PYGO1: variants seen among roughly 807,000 people sequenced by gnomAD.
PYGO1 encodes the protein pygopus homolog 1.
Under a neutral mutation model 29.5 loss-of-function variants are expected in PYGO1, and 6 were observed. The observed-to-expected ratio is 0.20, with a 90% CI of 0.11 to 0.40. PYGO1 has a LOEUF of 0.40. PYGO1 is among the 10% of genes least tolerant of loss of function. The probability of loss-of-function intolerance (pLI) is 1.00; values close to 1 mark genes in which losing one functional copy is unlikely to be tolerated. For synonymous variants in PYGO1, 186 were observed against 180.5 expected (o/e 1.03, Z -0.24); for missense variants, 515 against 514.9 (o/e 1.00, Z 0.00).
At chr15:55,580,084 T>A (rs185004116) in intron 1 of PYGO1, among the ~76,000 whole-genome samples, 1 of 152,318 alleles carries the variant, frequency 6.6e-6, no homozygotes, top group African/African-American at 2.4e-5. Flanking sequence ...GGTATTCACA[T>A]GTGAAGATAA....
In PYGO1 at chr15:55,549,842, A is replaced by T. The variant is rs528182267; in HGVS notation, c.50-847T>A. ...TTCTGAACATATACAACATACAGAG[A>T]AGAATGAAATTAACCCCATATGCCT... On this transcript the variant is annotated intron_variant, in intron 1 of 2. Transcript: ENST00000563719. Among the ~76,000 whole-genome samples, 21 of 152,320 alleles carry T rather than the reference A, an allele frequency of 1.4e-4. 1 individual carries two copies. In the South Asian group the frequency reaches 3.9e-3, roughly 29 times the overall value.
rs555837683 is a variant in PYGO1, at chr15:55,587,190, G to A, written c.49+645C>T. Among the ~76,000 whole-genome samples, 7 of 152,248 alleles carry A rather than the reference G, an allele frequency of 4.6e-5. No homozygotes were observed. The South Asian group carries it at 8.3e-4, about 18-fold the overall frequency. On this transcript the variant is annotated intron_variant, in intron 1 of 2. Transcript: ENST00000563719. Reference sequence around the variant, plus strand: ...ACATGGTTCCCTCTGATTTTTCTTAGATGATAGTAACACGAAAGGAAAATT... The same window carrying A: ...ACATGGTTCCCTCTGATTTTTCTTAAATGATAGTAACACGAAAGGAAAATT...
chr15:55,551,567 C>T (rs891475965), intron 1 of PYGO1, among the ~76,000 whole-genome samples: 10 of 151,998 alleles, frequency 6.6e-5, no homozygotes, highest in East Asian at 3.9e-4. Flanking sequence ...GAGGCTGAGG[C>T]GGGGGATTGC....
chr15:55,546,820 T>A lies in PYGO1; in HGVS notation c.463A>T (p.Ser155Cys). The stretch of plus-strand genomic sequence containing the variant: ...TTATTATAAGATGGATTACCGAAAC[T>A]TGAATTATCATGTGGCCCAAAGTTA... ...AFNFGPHDNS[S>C]FGNPSYNNAL... is the part of the protein sequence containing the mutation. The change falls in exon 3 of 3, where the codon AGT becomes TGT. Residue 155 changes from serine (S) to cysteine (C), a missense_variant. Transcript: ENST00000563719. 1 of 1,614,034 alleles carries A rather than the reference T, an allele frequency of 6.2e-7. No individual in the cohort carries two copies. Among genetic ancestry groups the A allele is most frequent in the Non-Finnish European group, 8.5e-7 (1 of 1,179,944 alleles).
intron 1 of PYGO1, among the ~76,000 whole-genome samples, chr15:55,566,149 G>A (rs1241107092): frequency 6.6e-6 from 1 of 152,144 alleles, no homozygotes; most frequent in Non-Finnish European, 1.5e-5. Flanking sequence ...TATATTGTAT[G>A]ATGCTGAGGT....
At chr15:55,549,099 C>A in intron 1 of PYGO1, 104 bp from the exon 2 acceptor site, 1 of 877,112 alleles carries the variant, frequency 1.1e-6, no homozygotes, top group Non-Finnish European at 1.7e-6. Context: ...TTTCTATTTT[C>A]GTTAGACAAG....
At chr15:55,552,657 C>T (rs1478597153) in intron 1 of PYGO1, among the ~76,000 whole-genome samples, 1 of 152,110 alleles carries the variant, frequency 6.6e-6, no homozygotes, top group Non-Finnish European at 1.5e-5. Context: ...TCTTTGCAAC[C>T]CACAGATCAG....
intron 1 of PYGO1, among the ~76,000 whole-genome samples, chr15:55,559,850 T>C (rs894433096): frequency 7.9e-5 from 12 of 152,188 alleles, no homozygotes; most frequent in African/African-American, 2.2e-4. Context: ...ATGATCAATT[T>C]GGCTTAATCT....
chr15:55,553,652 C>G (rs543312521), intron 1 of PYGO1, among the ~76,000 whole-genome samples: 3 of 152,274 alleles, frequency 2.0e-5, no homozygotes, highest in African/African-American at 7.2e-5. Context: ...CTCAAGTGAT[C>G]TACCCACCTC....
rs2058819096 is a variant in PYGO1 at position 55,539,228 on chromosome 15, A to T, written c.*6795T>A. ...TTTTGGGGAAGAAGGGAATGGGATCAGAAGACGCAAATTGTGTTAAATATC... is the reference window on the plus strand; with the variant it reads ...TTTTGGGGAAGAAGGGAATGGGATCTGAAGACGCAAATTGTGTTAAATATC... On this transcript the variant is annotated 3_prime_UTR_variant, in exon 3 of 3. Coordinates refer to ENST00000563719, the MANE Select transcript of PYGO1 (RefSeq NM_001367806.1). 6.6e-6 allele frequency: 1 copy of T among 152,206 alleles called. No individual in the cohort carries two copies. The highest frequency in any genetic ancestry group is 6.5e-5 in the Admixed American group (1 of 15,284). The allele number at this position is 152,206 out of a possible 1,614,324, so 9.4% of individuals were successfully genotyped here.
chr15:55,550,683 T>TA (rs1170217531), intron 1 of PYGO1, among the ~76,000 whole-genome samples: 2 of 152,148 alleles, frequency 1.3e-5, no homozygotes, highest in African/African-American at 4.8e-5. Flanking sequence ...GCTTTTTTGG[T>TA]TTTTCAACAC....
rs576135681 is a variant in PYGO1 at position 55,543,740 on chromosome 15, G to T, written c.*2283C>A. 2.6e-5 allele frequency: 4 copies of T among 152,258 alleles called. No homozygotes were observed. The highest frequency in any genetic ancestry group is 1.3e-4 in the Admixed American group (2 of 15,292). 9.4% of individuals were successfully genotyped at this position (152,258 alleles called of 1,614,324 possible). On this transcript the variant is annotated 3_prime_UTR_variant, in exon 3 of 3. Coordinates refer to ENST00000563719, the MANE Select transcript of PYGO1 (RefSeq NM_001367806.1). ...AAAGTGTTAACTCCTGAGAACACTG[G>T]AAAGTTCTACTCAAAATATCTATCA...
Position 55,588,007 on chromosome 15 carries a change from C to A in PYGO1, c.-124G>T, listed in dbSNP as rs971822813. 7 of 1,313,996 alleles carry A rather than the reference C, an allele frequency of 5.3e-6. No individual in the cohort carries two copies. The highest frequency in any genetic ancestry group is 6.8e-6 in the Non-Finnish European group (7 of 1,026,086). The allele number at this position is 1,313,996 out of a possible 1,614,324, so 81.4% of individuals were successfully genotyped here. A position where few individuals can be genotyped will look rare whatever the true frequency, so the allele number is the denominator to read the frequency against. ...CGAGGCAAGCCTCGGAGCCGAGGCA[C>A]GGCCGAGGGCGGTGGGGACGCGGGC... On this transcript the variant is annotated 5_prime_UTR_variant, in exon 1 of 3. Coordinates refer to ENST00000563719, the MANE Select transcript of PYGO1 (RefSeq NM_001367806.1).
chr15:55,558,686 T>C lies in PYGO1; in HGVS notation c.50-9691A>G, dbSNP rs1940353684. Among the ~76,000 whole-genome samples, 7 of 151,976 alleles carry C rather than the reference T, an allele frequency of 4.6e-5. No individual in the cohort carries two copies. In the South Asian group the frequency reaches 1.2e-3, roughly 27 times the overall value. ...TGGAACAGAACAGAGCCAACGCATGTACAACCATCTGATCTTTGACAAACC... is the reference window on the plus strand; with the variant it reads ...TGGAACAGAACAGAGCCAACGCATGCACAACCATCTGATCTTTGACAAACC... On this transcript the variant is annotated intron_variant, in intron 1 of 2. Coordinates refer to ENST00000563719, the MANE Select transcript of PYGO1 (RefSeq NM_001367806.1).
chr15:55,576,418 T>C (rs1238549028), intron 1 of PYGO1, among the ~76,000 whole-genome samples: 1 of 98,500 alleles, frequency 1.0e-5, no homozygotes, highest in Admixed American at 1.5e-4. Context: ...ATCCCGCCAC[T>C]GCACTCCAGC....
At position 55,545,746 on chromosome 15, in the gene PYGO1, T is replaced by C. The variant is rs1334773313; in HGVS notation, c.*277A>G. 7.3e-6 allele frequency: 2 copies of C among 273,610 alleles called. No homozygotes were observed. The highest frequency in any genetic ancestry group is 1.4e-5 in the Non-Finnish European group (2 of 147,386). 16.9% of individuals were successfully genotyped at this position (273,610 alleles called of 1,614,324 possible). On this transcript the variant is annotated 3_prime_UTR_variant, in exon 3 of 3. Coordinates refer to ENST00000563719, the MANE Select transcript of PYGO1 (RefSeq NM_001367806.1). ...AAAACTTGCCTACATTTGTTATATA[T>C]TATTTTGAAGTTTCAAGAGGCTTTT...
At chr15:55,559,083 C>G (rs1184733972) in intron 1 of PYGO1, among the ~76,000 whole-genome samples, 2 of 152,124 alleles carry the variant, frequency 1.3e-5, no homozygotes, top group Non-Finnish European at 2.9e-5. Flanking sequence ...GCAATCTACT[C>G]ATCTGACAAA....
intron 1 of PYGO1, among the ~76,000 whole-genome samples, chr15:55,572,266 T>C (rs1360797751): frequency 2.0e-5 from 3 of 152,154 alleles, no homozygotes; most frequent in Non-Finnish European, 4.4e-5. Flanking sequence ...TGATTAATAT[T>C]TGGCAAAGGT....
chr15:55,554,546 G>A (rs1044537362), intron 1 of PYGO1, among the ~76,000 whole-genome samples: 10 of 150,724 alleles, frequency 6.6e-5, no homozygotes, highest in African/African-American at 9.8e-5. Context: ...AGAGGTAGGC[G>A]CCAGAAGGTC....
Sources: allele counts gnomAD v4.1 joint callset (sites outside exome capture counted in the v4.1 genomes callset), GRCh38; gene constraint gnomAD v4.1.1; transcripts MANE v1.5; gene names NCBI Gene and HGNC (gene_info 2026-07-23, HGNC 2026-07-21).